Variants in ZNF391 observed in about 807,000 individuals in gnomAD.
ZNF391 encodes the protein zinc finger protein 391.
For synonymous variants in ZNF391, 126 were observed against 142.1 expected (o/e 0.89, Z 0.80); for missense variants, 375 against 425.5 (o/e 0.88, Z 1.04).
At chr6:27,395,016 G>C (rs185033491) in intron 1 of ZNF391, 1 of 152,148 alleles carries the variant, frequency 6.6e-6, no homozygotes, top group African/African-American at 2.4e-5. Flanking sequence ...GTGATTTACA[G>C]GTTCATAGGT....
At position 27,400,986 on chromosome 6, in the gene ZNF391, A is replaced by C; in HGVS notation, c.616A>C (p.Thr206Pro). The change falls in exon 3 of 3, where the codon ACT (threonine) becomes CCT (proline). Residue 206 changes from threonine to proline, a missense_variant. Thr to Pro is a conservative substitution (Grantham distance 38, BLOSUM62 -1). Transcript: ENST00000244576. ...ATGTGGAAAAGCCTTTAGCCGAAGC[A>C]CTAACCTTAGTCAGCATCAGCGAAC... ...SECGKAFSRSTNLSQHQRTHT... is the reference protein window; with the variant it reads ...SECGKAFSRSPNLSQHQRTHT... 6.2e-7 allele frequency: 1 copy of C among 1,614,202 alleles called. No individual in the cohort carries two copies. The highest frequency in any genetic ancestry group is 8.5e-7 in the Non-Finnish European group (1 of 1,180,026).
chr6:27,398,762 G>A (rs1177309012), intron 1 of ZNF391, among the ~76,000 whole-genome samples: 1 of 152,152 alleles, frequency 6.6e-6, no homozygotes, highest in African/African-American at 2.4e-5. Flanking sequence ...GGGAGGCTGA[G>A]GCAGGAGAAT....
At chr6:27,386,354 G>A (rs1434176635), upstream of ZNF391, among the ~76,000 whole-genome samples, 1 of 152,128 alleles carries the variant, frequency 6.6e-6, no homozygotes, top group East Asian at 1.9e-4. Context: ...CAGATTCAAT[G>A]TATTCCTTAT....
intron 1 of ZNF391, 110 bp downstream of exon 1, chr6:27,389,185 G>C: frequency 2.2e-6 from 1 of 456,682 alleles, no homozygotes; most frequent in Non-Finnish European, 4.4e-6. Context: ...GCACCTCCAC[G>C]GTTGGGACGC....
upstream of ZNF391, among the ~76,000 whole-genome samples, chr6:27,386,662 A>G (rs1474837152): frequency 2.6e-5 from 4 of 152,202 alleles, no homozygotes; most frequent in Non-Finnish European, 5.9e-5. Context: ...GGAAATGGAC[A>G]GTATTTTCAA....
Position 27,388,829 on chromosome 6 carries a change from G to A in ZNF391, c.-434G>A, listed in dbSNP as rs1435267318. 2.3e-6 allele frequency: 1 copy of A among 437,558 alleles called. No individual in the cohort carries two copies. Among genetic ancestry groups the A allele is most frequent in the Non-Finnish European group, 4.5e-6 (1 of 222,166 alleles). The allele number at this position is 437,558 out of a possible 1,614,324, so 27.1% of individuals were successfully genotyped here. On this transcript the variant is annotated 5_prime_UTR_variant, in exon 1 of 3. The change abolishes an upstream ATG in the 5' untranslated region. Transcript: ENST00000244576. ...AGGTCCAGGCGACTGCCCAGACAATGACTGGTCCCGCATACCGAGCAGAGC... is the reference window on the plus strand; with the variant it reads ...AGGTCCAGGCGACTGCCCAGACAATAACTGGTCCCGCATACCGAGCAGAGC...
In ZNF391 at chr6:27,374,825, C is replaced by G. The variant is rs974330327; in HGVS notation, n.211C>G. The G allele has an allele frequency of 6.6e-6, 1 of 152,218 alleles. No individual in the cohort carries two copies. The highest frequency in any genetic ancestry group is 2.1e-4 in the South Asian group (1 of 4,832). The allele number at this position is 152,218 out of a possible 1,614,324, so 9.4% of individuals were successfully genotyped here. A position where few individuals can be genotyped will look rare whatever the true frequency, so the allele number is the denominator to read the frequency against. ...AATTTCTCGCAAAACTCCCGGGGAC[C>G]CTTCTTAATGTCAGTAGCCACAGTC... On this transcript the variant is annotated non_coding_transcript_exon_variant, in exon 1 of 3. Coordinates refer to the ZNF391 transcript ENST00000477999. The surrounding 1 kb of genome is among the most constrained non-coding windows in gnomAD (Gnocchi z 5.3).
In ZNF391 at chr6:27,395,016, G is replaced by A. The variant is rs185033491; in HGVS notation, c.-187-4426G>A. 2.2e-4 allele frequency: 34 copies of A among 152,264 alleles called. 1 individual carries two copies. The highest frequency in any genetic ancestry group is 2.2e-3 in the Admixed American group (33 of 15,300). 9.4% of individuals were successfully genotyped at this position (152,264 alleles called of 1,614,324 possible). A position where few individuals can be genotyped will look rare whatever the true frequency, so the allele number is the denominator to read the frequency against. On this transcript the variant is annotated intron_variant, in intron 1 of 2. Coordinates refer to ENST00000244576, the MANE Select transcript of ZNF391 (RefSeq NM_001076781.3). ...GGAAGTAAATAAATTGTGATTTACA[G>A]GTTCATAGGTGGAAGAAATTCATCT...
chr6:27,401,514 A>G lies in ZNF391; in HGVS notation c.*67A>G, dbSNP rs992494895. 2.5e-6 allele frequency: 3 copies of G among 1,209,954 alleles called. No homozygotes were observed. The highest frequency in any genetic ancestry group is 1.5e-5 in the African/African-American group (1 of 65,470). The allele number at this position is 1,209,954 out of a possible 1,614,324, so 75.0% of individuals were successfully genotyped here. A position where few individuals can be genotyped will look rare whatever the true frequency, so the allele number is the denominator to read the frequency against. ...CTAACCTCCCACCACTGAAATATAT[A>G]TATTTCAAGTATATATATACTTGTT... On this transcript the variant is annotated 3_prime_UTR_variant, in exon 3 of 3. Coordinates refer to ENST00000244576, the MANE Select transcript of ZNF391 (RefSeq NM_001076781.3).
rs1761937105 is a variant in ZNF391, at chr6:27,400,797, G to A, written c.427G>A (p.Gly143Arg). 6.2e-7 allele frequency: 1 copy of A among 1,614,158 alleles called. No homozygotes were observed. The highest frequency in any genetic ancestry group is 8.5e-7 in the Non-Finnish European group (1 of 1,180,014). Residue 143 changes from glycine (G) to arginine (R), a missense_variant, in exon 3 of 3, where the codon GGG becomes AGG. Coordinates refer to ENST00000244576, the MANE Select transcript of ZNF391 (RefSeq NM_001076781.3). ...GEKPFECNKC[G>R]KSFSRSTHLI... ...AAAGCCTTTTGAATGCAACAAATGT[G>A]GGAAATCTTTCAGCCGAAGTACACA...
At position 27,382,665 on chromosome 6, in the gene ZNF391, G is replaced by A. The variant is rs545877123; in HGVS notation, n.523+7528G>A. On this transcript the variant is annotated intron_variant and non_coding_transcript_variant, in intron 1 of 2. Transcript: ENST00000477999. ...CACCATACAAGAATAGATAGGTAAT[G>A]TTAGCACAGAGATATAAATTATAAG... is the stretch of plus-strand genomic sequence containing the variant. Among the ~76,000 whole-genome samples, 42 of 152,268 alleles carry A rather than the reference G, an allele frequency of 2.8e-4. No individual in the cohort carries two copies. The South Asian group carries it at 3.9e-3, about 14-fold the overall frequency.
At position 27,399,254 on chromosome 6, in the gene ZNF391, A is replaced by G. The variant is rs111939052; in HGVS notation, c.-187-188A>G. 4.5e-4 allele frequency among the ~76,000 whole-genome samples: 69 copies of G among 152,264 alleles called. 1 individual carries two copies. The highest frequency in any genetic ancestry group is 1.6e-3 in the African/African-American group (67 of 41,568). On this transcript the variant is annotated intron_variant, in intron 1 of 2. Coordinates refer to ENST00000244576, the MANE Select transcript of ZNF391 (RefSeq NM_001076781.3). ...GTATGTATGTAACCTGTGTGTGTGT[A>G]TGTAACCCGTCTTTTGGCATCTAAT...
chr6:27,389,172 G>A (rs890949311), intron 1 of ZNF391, 97 bp downstream of exon 1: 10 of 456,562 alleles, frequency 2.2e-5, no homozygotes, highest in Admixed American at 1.6e-4. Context: ...GTCGGGTCAG[G>A]AGGCACCTCC....
At chr6:27,392,913 G>A (rs1468977069) in intron 1 of ZNF391, among the ~76,000 whole-genome samples, 4 of 152,160 alleles carry the variant, frequency 2.6e-5, no homozygotes, top group Non-Finnish European at 5.9e-5. Context: ...CAGAGTTATT[G>A]TGAACAATAA....
chr6:27,392,444 T>A (rs571731080), intron 1 of ZNF391, among the ~76,000 whole-genome samples: 156 of 152,240 alleles, frequency 1.0e-3, no homozygotes, highest in African/African-American at 3.6e-3. Flanking sequence ...GTATTAGAGA[T>A]GGGGTTTCAC....
At position 27,403,116 on chromosome 6, in the gene ZNF391, A is replaced by G. The variant is rs1487066701; in HGVS notation, c.*1669A>G. On this transcript the variant is annotated 3_prime_UTR_variant, in exon 3 of 3. Coordinates refer to ENST00000244576, the MANE Select transcript of ZNF391 (RefSeq NM_001076781.3). Reference sequence around the variant, plus strand: ...TGATCACTGTTGACTCACTACCATTATCTAGCTCCTTACTAAACTACTACT... The same window carrying G: ...TGATCACTGTTGACTCACTACCATTGTCTAGCTCCTTACTAAACTACTACT... 5 of 151,138 alleles carry G rather than the reference A, an allele frequency of 3.3e-5. No individual in the cohort carries two copies. Among genetic ancestry groups the G allele is most frequent in the African/African-American group, 1.2e-4 (5 of 40,972 alleles). The allele number at this position is 151,138 out of a possible 1,614,324, so 9.4% of individuals were successfully genotyped here.
upstream of ZNF391, among the ~76,000 whole-genome samples, chr6:27,384,316 T>C (rs1761550543): frequency 6.6e-6 from 1 of 151,526 alleles, no homozygotes; most frequent in South Asian, 2.1e-4. Flanking sequence ...ATACAAAAAT[T>C]AGCCTGGTTT....
At chr6:27,392,181 G>A (rs962130683) in intron 1 of ZNF391, among the ~76,000 whole-genome samples, 7 of 152,180 alleles carry the variant, frequency 4.6e-5, no homozygotes, top group Admixed American at 6.5e-5. Flanking sequence ...CTATAGCTCT[G>A]GGCCTCTATC....
At chr6:27,391,255 A>AGTGCAATG (rs1325841345) in intron 1 of ZNF391, 1 of 125,486 alleles carries the variant, frequency 8.0e-6, no homozygotes, top group Non-Finnish European at 1.6e-5. Context: ...CTCAGGCTGG[A>AGTGCAATG]GTGCAATGGT....
Sources: gnomAD v4.1 joint callset for allele counts (sites outside exome capture counted in the v4.1 genomes callset) on GRCh38, gnomAD v4.1.1 for gene constraint, Gnocchi (gnomAD v3.1) non-coding constraint, MANE v1.5 for transcripts, NCBI Gene and HGNC (gene_info 2026-07-23, HGNC 2026-07-21) for gene names.